The following GRIK2 variants were observed in gnomAD, a reference collection of about 807,000 sequenced individuals.
GRIK2 encodes glutamate receptor ionotropic, kainate 2.
Under a neutral mutation model 100.3 loss-of-function variants are expected in GRIK2, and 32 were observed. The observed-to-expected ratio is 0.32, with a 90% CI of 0.24 to 0.43. GRIK2 has a LOEUF of 0.43. Among genes scored for constraint, GRIK2 ranks in the 20% least tolerant of loss-of-function variants. The pLI is 1.00. For synonymous variants in GRIK2, 417 were observed against 389.4 expected (o/e 1.07, Z -0.83); for missense variants, 843 against 1,114.9 (o/e 0.76, Z 3.47).
At chr6:101,765,073 C>T (rs960206907) in intron 7 of GRIK2, among the ~76,000 whole-genome samples, 4 of 152,160 alleles carry the variant, frequency 2.6e-5, no homozygotes, top group African/African-American at 9.7e-5. Context: ...TCACATCTTT[C>T]TCCTTCTCCA....
At chr6:101,538,121 T>C (rs1458377149) in intron 2 of GRIK2, among the ~76,000 whole-genome samples, 1 of 151,746 alleles carries the variant, frequency 6.6e-6, no homozygotes, top group Non-Finnish European at 1.5e-5. Context: ...GATTTTGGTT[T>C]GTGTTATTAC....
At chr6:101,647,060 A>G (rs1477571399) in intron 4 of GRIK2, among the ~76,000 whole-genome samples, 1 of 151,954 alleles carries the variant, frequency 6.6e-6, no homozygotes, top group Admixed American at 6.6e-5. Flanking sequence ...CTATATAAAA[A>G]AATGTAAAAT....
intron 11 of GRIK2, among the ~76,000 whole-genome samples, chr6:101,869,995 G>A (rs938973801): frequency 6.6e-6 from 1 of 151,922 alleles, no homozygotes; most frequent in Non-Finnish European, 1.5e-5. Context: ...AGTCCAGTAG[G>A]TACAGGACTT....
intron 10 of GRIK2, among the ~76,000 whole-genome samples, chr6:101,840,354 A>T (rs1212868381): frequency 6.6e-6 from 1 of 152,162 alleles, no homozygotes; most frequent in Non-Finnish European, 1.5e-5. Flanking sequence ...TACTTATCGG[A>T]TTCCCAGGTC....
chr6:101,728,864 A>G (rs1328669961), intron 7 of GRIK2, among the ~76,000 whole-genome samples: 5 of 152,096 alleles, frequency 3.3e-5, no homozygotes, highest in African/African-American at 7.2e-5. Context: ...AGTAAGAGTC[A>G]CTTACCATTT....
intron 2 of GRIK2, among the ~76,000 whole-genome samples, chr6:101,612,388 A>G (rs1464712348): frequency 6.6e-6 from 1 of 151,854 alleles, no homozygotes; most frequent in Admixed American, 6.6e-5. Context: ...CGTGAGTCAA[A>G]TAAACTTTTT....
chr6:101,760,166 G>C (rs1186604215), intron 7 of GRIK2, among the ~76,000 whole-genome samples: 1 of 145,986 alleles, frequency 6.8e-6, no homozygotes, highest in Non-Finnish European at 1.5e-5. Context: ...ACCGCGCCCG[G>C]CCAGCATTTT....
chr6:102,058,503 A>G (rs1316257353), intron 16 of GRIK2, among the ~76,000 whole-genome samples: 9 of 151,712 alleles, frequency 5.9e-5, no homozygotes, highest in African/African-American at 1.9e-4. Flanking sequence ...GATTTAATGG[A>G]AATGATTCAT....
intron 7 of GRIK2, among the ~76,000 whole-genome samples, chr6:101,796,529 T>C (rs1780314887): frequency 6.6e-6 from 1 of 152,138 alleles, no homozygotes; most frequent in Non-Finnish European, 1.5e-5. Flanking sequence ...AAAATCTACA[T>C]AATATCACCA....
chr6:101,967,763 T>G (rs1792781001), intron 14 of GRIK2, among the ~76,000 whole-genome samples: 1 of 152,122 alleles, frequency 6.6e-6, no homozygotes, highest in Non-Finnish European at 1.5e-5. Context: ...CATTCATGTT[T>G]AACCCAATAA....
chr6:101,995,213 G>A (rs891586194), intron 14 of GRIK2, among the ~76,000 whole-genome samples: 2 of 151,884 alleles, frequency 1.3e-5, no homozygotes, highest in African/African-American at 4.8e-5. Flanking sequence ...TGGAAACTGA[G>A]TCAGATTGGG....
At chr6:101,714,505 T>G (rs1773929000) in intron 7 of GRIK2, among the ~76,000 whole-genome samples, 1 of 151,782 alleles carries the variant, frequency 6.6e-6, no homozygotes, top group Non-Finnish European at 1.5e-5. Flanking sequence ...GATAAATTCT[T>G]TTAAAATTCT....
At position 101,746,645 on chromosome 6, in the gene GRIK2, T is replaced by A. The variant is rs982410015; in HGVS notation, c.952-53003T>A. ...CCTGGCCTACCTTCAAATTTTTGTCTCAGTGGATAAGACAGATTTTGTTAC... is the reference window on the plus strand; with the variant it reads ...CCTGGCCTACCTTCAAATTTTTGTCACAGTGGATAAGACAGATTTTGTTAC... On this transcript the variant is annotated intron_variant, in intron 7 of 16. Transcript: ENST00000369134. Among the ~76,000 whole-genome samples, 84 of 152,190 alleles carry A rather than the reference T, an allele frequency of 5.5e-4. 1 individual carries two copies. The highest frequency in any genetic ancestry group is 8.4e-4 in the Non-Finnish European group (57 of 68,036).
intron 2 of GRIK2, among the ~76,000 whole-genome samples, chr6:101,535,895 A>G (rs1489595641): frequency 1.3e-5 from 2 of 151,782 alleles, no homozygotes; most frequent in East Asian, 1.9e-4. Flanking sequence ...TAAACAAAAC[A>G]TCAAACCAAT....
At chr6:101,926,187 G>A (rs1789878835) in intron 13 of GRIK2, among the ~76,000 whole-genome samples, 1 of 145,342 alleles carries the variant, frequency 6.9e-6, no homozygotes, top group Admixed American at 6.9e-5. Flanking sequence ...TACATTTTGG[G>A]TCCAAGGGTT....
chr6:101,766,071 C>A (rs1264718043), intron 7 of GRIK2, among the ~76,000 whole-genome samples: 4 of 151,934 alleles, frequency 2.6e-5, no homozygotes, highest in Admixed American at 6.6e-5. Context: ...GAATAAGGAT[C>A]CAAACATCAA....
chr6:101,633,673 A>G (rs1276829367), intron 4 of GRIK2, among the ~76,000 whole-genome samples: 1 of 152,148 alleles, frequency 6.6e-6, no homozygotes, highest in Admixed American at 6.6e-5. Context: ...AATAAGATAA[A>G]ATAATCAAGA....
rs185376159 is a variant in GRIK2 at position 101,423,871 on chromosome 6, A to C, written c.115+24479A>C. ...ATCATGAAGAGATAGCTGCACTCTC[A>C]TGTTCATTGCAGCATTATTCACAAT... On this transcript the variant is annotated intron_variant, in intron 2 of 16. Coordinates refer to ENST00000369134, the MANE Select transcript of GRIK2 (RefSeq NM_021956.5). Among the ~76,000 whole-genome samples, 70 of 152,326 alleles carry C rather than the reference A, an allele frequency of 4.6e-4. 1 individual carries two copies. Among genetic ancestry groups the C allele is most frequent in the Middle Eastern group, 3.4e-3 (1 of 294 alleles).
rs1283635900 is a variant in GRIK2 at position 101,988,122 on chromosome 6, TGTGTGTGTGTGCGCGCGC to T, written c.2086-47217_2086-47200del. Among the ~76,000 whole-genome samples, 8 of 38,740 alleles carry T rather than the reference TGTGTGTGTGTGCGCGCGC, an allele frequency of 2.1e-4. No homozygotes were observed. In the South Asian group the frequency reaches 3.6e-3, roughly 18 times the overall value. The allele number at this position is 38,740 out of a possible 152,430, so 25.4% of individuals were successfully genotyped here. ...GTGTGTGTGTGTGTGTGTGTGTGTG[TGTGTGTGTGTGCGCGCGC>T]GCGCGCGCGCGCGCGTGCGCGCACA... On this transcript the variant is annotated intron_variant, in intron 14 of 16. Transcript: ENST00000369134.
Sources: gnomAD v4.1 joint callset for allele counts (sites outside exome capture counted in the v4.1 genomes callset) on GRCh38, gnomAD v4.1.1 for gene constraint, MANE v1.5 for transcripts, NCBI Gene and HGNC (gene_info 2026-07-23, HGNC 2026-07-21) for gene names.